Variants in PCDH15 observed in about 807,000 individuals in gnomAD.
PCDH15 encodes protocadherin-15.
Under a neutral mutation model 178.5 loss-of-function variants are expected in PCDH15, and 129 were observed. That is an observed-to-expected ratio of 0.72 (90% CI 0.63 to 0.84). PCDH15 has a LOEUF of 0.84. Ranked by LOEUF, PCDH15 falls within the 40% of genes least tolerant of loss-of-function variation. PCDH15 has a pLI of 0.00. For synonymous variants in PCDH15, 800 were observed against 732.0 expected (o/e 1.09, Z -1.50); for missense variants, 2,230 against 2,099.9 (o/e 1.06, Z -1.21).
intron 1 of PCDH15, among the ~76,000 whole-genome samples, chr10:55,195,092 C>T (rs1030081432): frequency 4.0e-5 from 6 of 149,650 alleles, no homozygotes; most frequent in East Asian, 2.0e-4. Context: ...GGTGGGATCT[C>T]GGCTCACTGC....
chr10:54,988,906 T>C (rs1025346979), intron 2 of PCDH15, among the ~76,000 whole-genome samples: 3 of 152,128 alleles, frequency 2.0e-5, no homozygotes, highest in Non-Finnish European at 4.4e-5. Flanking sequence ...GTCAGAAATC[T>C]TCACAGCAGC....
intron 2 of PCDH15, among the ~76,000 whole-genome samples, chr10:55,486,525 T>G (rs1270661244): frequency 1.3e-5 from 2 of 151,644 alleles, no homozygotes; most frequent in Non-Finnish European, 1.5e-5. Flanking sequence ...AATAAAATTA[T>G]GCTTTTTTTC....
intron 1 of PCDH15, among the ~76,000 whole-genome samples, chr10:54,779,080 C>A (rs964060298): frequency 6.6e-6 from 1 of 151,946 alleles, no homozygotes; most frequent in African/African-American, 2.4e-5. Flanking sequence ...GAATCTAATA[C>A]CCTTTTAAGT....
intron 18 of PCDH15, among the ~76,000 whole-genome samples, chr10:54,053,257 A>T (rs566656816): frequency 2.0e-5 from 3 of 152,328 alleles, no homozygotes; most frequent in Admixed American, 6.5e-5. Context: ...TTAGATGCTG[A>T]CATATACTTT....
At chr10:55,615,896 A>G (rs932780317) in intron 2 of PCDH15, among the ~76,000 whole-genome samples, 1 of 152,134 alleles carries the variant, frequency 6.6e-6, no homozygotes, top group African/African-American at 2.4e-5. Flanking sequence ...ACCCTGTCAC[A>G]TACACAAAAG....
rs550116164 is a variant in PCDH15 at position 54,716,418 on chromosome 10, T to C, written c.-28-52128A>G. On this transcript the variant is annotated intron_variant, in intron 1 of 37. Transcript: ENST00000644397. ...CATGGAATGTTCTTCCATTTGTTTG[T>C]ATCCTCTTTAATTTCATTGAGCAGT... 3.3e-5 allele frequency among the ~76,000 whole-genome samples: 5 copies of C among 152,300 alleles called. No homozygotes were observed. In the South Asian group the frequency reaches 1.0e-3, roughly 32 times the overall value.
chr10:55,554,496 T>C (rs1842053510), intron 2 of PCDH15, among the ~76,000 whole-genome samples: 1 of 152,044 alleles, frequency 6.6e-6, no homozygotes, highest in South Asian at 2.1e-4. Flanking sequence ...ATTGACATTA[T>C]TACAGTTGAA....
intron 6 of PCDH15, among the ~76,000 whole-genome samples, chr10:54,343,963 G>C (rs1351579973): frequency 6.6e-6 from 1 of 152,012 alleles, no homozygotes; most frequent in Non-Finnish European, 1.5e-5. Flanking sequence ...TTATTATTTT[G>C]ACTAGTAAAA....
chr10:54,648,897 T>C (rs1038848488), intron 2 of PCDH15, among the ~76,000 whole-genome samples: 11 of 152,134 alleles, frequency 7.2e-5, no homozygotes, highest in Admixed American at 3.3e-4. Flanking sequence ...TACAACCACA[T>C]AAAATATTGA....
chr10:54,876,394 T>C (rs1954144473), intron 3 of PCDH15, among the ~76,000 whole-genome samples: 1 of 152,130 alleles, frequency 6.6e-6, no homozygotes, highest in Non-Finnish European at 1.5e-5. Context: ...AATGTCGGTG[T>C]TCAAGATTTA....
At chr10:55,155,514 T>C (rs921648498) in intron 2 of PCDH15, among the ~76,000 whole-genome samples, 7 of 142,676 alleles carry the variant, frequency 4.9e-5, no homozygotes, top group Admixed American at 1.4e-4. Context: ...GCAATAATAA[T>C]AAATTATAAA....
At chr10:55,185,592 T>C in intron 1 of PCDH15, among the ~76,000 whole-genome samples, 1 of 151,644 alleles carries the variant, frequency 6.6e-6, no homozygotes, top group Non-Finnish European at 1.5e-5. Flanking sequence ...AGTCAGTGAG[T>C]AAGATTTTAT....
At chr10:54,317,188 T>A (rs2061328343) in intron 8 of PCDH15, 83 bp downstream of exon 8, 1 of 1,449,724 alleles carries the variant, frequency 6.9e-7, no homozygotes, top group Admixed American at 1.7e-5. Flanking sequence ...TATTATAAAT[T>A]ATATGTCTAC....
At chr10:55,416,966 C>A (rs898158182) in intron 2 of PCDH15, among the ~76,000 whole-genome samples, 2 of 151,634 alleles carry the variant, frequency 1.3e-5, no homozygotes, top group African/African-American at 4.8e-5. Context: ...CTAACAGGGA[C>A]TATAAAGACA....
intron 25 of PCDH15, among the ~76,000 whole-genome samples, chr10:53,922,873 G>C (rs1354454117): frequency 6.6e-6 from 1 of 152,098 alleles, no homozygotes; most frequent in Non-Finnish European, 1.5e-5. Context: ...GGATCACGAG[G>C]TCGGGAGATC....
intron 1 of PCDH15, among the ~76,000 whole-genome samples, chr10:55,217,906 T>C (rs1840752558): frequency 1.3e-5 from 2 of 151,996 alleles, no homozygotes; most frequent in South Asian, 4.1e-4. Flanking sequence ...AACAGCTTTT[T>C]TGTAAACATA....
chr10:55,242,016 A>G (rs1841555847), intron 1 of PCDH15, among the ~76,000 whole-genome samples: 1 of 152,200 alleles, frequency 6.6e-6, no homozygotes. Flanking sequence ...TTGAGAACAC[A>G]TAATAGTATT....
At chr10:55,606,388 A>T (rs1267845181) in intron 2 of PCDH15, among the ~76,000 whole-genome samples, 1 of 150,082 alleles carries the variant, frequency 6.7e-6, no homozygotes, top group Non-Finnish European at 1.5e-5. Context: ...CAGAATTGGA[A>T]AAAACTACTT....
In PCDH15 at chr10:53,806,879, C is replaced by T; in HGVS notation, c.4923G>A (p.Leu1641=). Residue 1641 remains leucine (L), a synonymous_variant, in exon 38 of 38, where the codon TTG becomes TTA. Transcript: ENST00000644397. The part of the protein sequence containing the change: ...LGGPFKKLDK[L]AVTHEENVPL... ...GTACATTCTCCTCATGTGTCACTGC[C>T]AACTTGTCTAGTTTCTTAAAGGGCC... 6.2e-7 allele frequency: 1 copy of T among 1,613,846 alleles called. No homozygotes were observed. Among genetic ancestry groups the T allele is most frequent in the Non-Finnish European group, 8.5e-7 (1 of 1,179,828 alleles).
Sources: allele counts gnomAD v4.1 joint callset (sites outside exome capture counted in the v4.1 genomes callset), GRCh38; gene constraint gnomAD v4.1.1; transcripts MANE v1.5; gene names NCBI Gene and HGNC (gene_info 2026-07-23, HGNC 2026-07-21).